The following MTMR8 variants were observed in gnomAD, a reference collection of about 807,000 sequenced individuals.
MTMR8 encodes the protein myotubularin related protein 8, also known as phosphatidylinositol-3,5-bisphosphate 3-phosphatase MTMR8.
Under a neutral mutation model 39.3 loss-of-function variants are expected in MTMR8, and 65 were observed. That is an observed-to-expected ratio of 1.65 (90% CI 1.35 to 2.03). The LOEUF (loss-of-function observed/expected upper bound fraction) is 2.03, where lower values mean the gene tolerates loss of function less well. Ranked by LOEUF, MTMR8 falls within the 30% of genes most tolerant of loss-of-function variation. The pLI is 0.00. For synonymous variants in MTMR8, 245 were observed against 185.2 expected (o/e 1.32, Z -2.62); for missense variants, 777 against 538.9 (o/e 1.44, Z -4.37).
intron 12 of MTMR8, among the ~76,000 whole-genome samples, chrX:64,326,108 A>T (rs986612450): frequency 8.0e-5 from 9 of 111,890 alleles, no homozygotes; most frequent in African/African-American, 2.6e-4. Context: ...AAGAAAATAC[A>T]TCTACTATTA....
At chrX:64,362,441 C>A (rs1602147593) in intron 1 of MTMR8, among the ~76,000 whole-genome samples, 1 of 20,562 alleles carries the variant, frequency 4.9e-5, no homozygotes, top group Non-Finnish European at 9.4e-5. Flanking sequence ...TCAACAACAA[C>A]AACAACAAAA....
chrX:64,328,749 G>T, intron 12 of MTMR8, 23 bp downstream of exon 12: 1 of 1,142,536 alleles, frequency 8.8e-7, no homozygotes, highest in Non-Finnish European at 1.2e-6. Flanking sequence ...TATAAGAAAG[G>T]AGGGAAAAAC....
chrX:64,349,613 C>T (rs1356893417), intron 5 of MTMR8, among the ~76,000 whole-genome samples: 1 of 111,318 alleles, frequency 9.0e-6, no homozygotes, highest in Non-Finnish European at 1.9e-5. Flanking sequence ...TACTGGGAGG[C>T]CACAGCCCCC....
chrX:64,371,062 C>T (rs990900764), intron 1 of MTMR8, among the ~76,000 whole-genome samples: 3 of 111,660 alleles, frequency 2.7e-5, no homozygotes, highest in Non-Finnish European at 5.6e-5. Flanking sequence ...GAGGCTGAAT[C>T]AGAAGGATCA....
intron 1 of MTMR8, among the ~76,000 whole-genome samples, chrX:64,363,055 A>T (rs1923835951): frequency 8.9e-6 from 1 of 111,898 alleles, no homozygotes; most frequent in Admixed American, 9.5e-5. Context: ...ATTTGCAAAA[A>T]CTAGACAGCT....
Position 64,382,794 on chromosome X carries a change from A to T in MTMR8, c.24+12546T>A, listed in dbSNP as rs567829418. Among the ~76,000 whole-genome samples the T allele has an allele frequency of 3.6e-5, 4 of 111,684 alleles. No individual in the cohort carries two copies. In the South Asian group the frequency reaches 1.1e-3, roughly 31 times the overall value. ...ATACAGAATTATTTTTAAAAACAAC[A>T]ACAAATTTAGGCCAATGGCTCTCCC... On this transcript the variant is annotated intron_variant, in intron 1 of 13. Transcript: ENST00000374852.
At chrX:64,269,436 A>T (rs1051098087) in intron 13 of MTMR8, among the ~76,000 whole-genome samples, 3 of 111,610 alleles carry the variant, frequency 2.7e-5, no homozygotes, top group Non-Finnish European at 5.6e-5. Flanking sequence ...CAAATGAAGA[A>T]ACTGAGGCTC....
At chrX:64,284,465 T>C (rs1386476462) in intron 12 of MTMR8, among the ~76,000 whole-genome samples, 3 of 111,066 alleles carry the variant, frequency 2.7e-5, no homozygotes, top group African/African-American at 9.8e-5. Context: ...ATTCTGGAAA[T>C]ACAGAGAACA....
chrX:64,312,221 C>A (rs900927742), intron 12 of MTMR8, among the ~76,000 whole-genome samples: 1 of 111,623 alleles, frequency 9.0e-6, no homozygotes, highest in African/African-American at 3.3e-5. Context: ...TCCTTCACAT[C>A]CCTTGTAAGC....
intron 12 of MTMR8, among the ~76,000 whole-genome samples, chrX:64,298,725 T>C (rs1295457700): frequency 1.3e-5 from 1 of 77,962 alleles, no homozygotes; most frequent in Non-Finnish European, 2.1e-5. Flanking sequence ...TTGTCATAGA[T>C]AGCTCTTATT....
At chrX:64,336,752 G>A (rs758417395) in intron 9 of MTMR8, among the ~76,000 whole-genome samples, 4 of 111,158 alleles carry the variant, frequency 3.6e-5, no homozygotes, top group Admixed American at 2.9e-4. Flanking sequence ...AGCCAATATC[G>A]CACCACTGCA....
chrX:64,345,540 A>G (rs748238291), intron 6 of MTMR8, among the ~76,000 whole-genome samples: 88 of 112,434 alleles, frequency 7.8e-4, no homozygotes, highest in Middle Eastern at 4.6e-3. Flanking sequence ...ACTGAGAAAC[A>G]TGCAAAAGTT....
chrX:64,345,298 C>G (rs1923322101), intron 6 of MTMR8, 121 bp from the exon 7 acceptor site: 1 of 688,649 alleles, frequency 1.5e-6, no homozygotes, highest in South Asian at 3.2e-5. Context: ...GAAGTTAAAT[C>G]AGATGAGATA....
chrX:64,275,513 T>C (rs373498774), intron 12 of MTMR8, among the ~76,000 whole-genome samples: 1 of 108,942 alleles, frequency 9.2e-6, no homozygotes. Context: ...CTGGACTACA[T>C]AGAGAGGCCC....
At chrX:64,383,817 G>A (rs781495454) in intron 1 of MTMR8, among the ~76,000 whole-genome samples, 1 of 111,065 alleles carries the variant, frequency 9.0e-6, no homozygotes, top group Non-Finnish European at 1.9e-5. Flanking sequence ...GGTAGGGACA[G>A]AACCAAACCA....
intron 1 of MTMR8, among the ~76,000 whole-genome samples, chrX:64,374,301 G>A (rs918621954): frequency 6.3e-5 from 7 of 111,544 alleles, no homozygotes; most frequent in Non-Finnish European, 1.3e-4. Context: ...AATATTCAAA[G>A]GTATTCTTTC....
In MTMR8 at chrX:64,278,459, G is replaced by GTTTTTTTTTTTTTTTTTTTTTTTTT. The variant is rs1931928205; in HGVS notation, c.1482-7387_1482-7386insAAAAAAAAAAAAAAAAAAAAAAAAA. Among the ~76,000 whole-genome samples, 3 of 49,868 alleles carry GTTTTTTTTTTTTTTTTTTTTTTTTT rather than the reference G, an allele frequency of 6.0e-5. 1 individual carries two copies. The highest frequency in any genetic ancestry group is 3.4e-4 in the African/African-American group (3 of 8,741). The allele number at this position is 49,868 out of a possible 115,157, so 43.3% of individuals were successfully genotyped here. A position where few individuals can be genotyped will look rare whatever the true frequency, so the allele number is the denominator to read the frequency against. On this transcript the variant is annotated intron_variant, in intron 12 of 13. Transcript: ENST00000374852. ...TGATGTTGATGCTATTTATTTTGCTGGTTTTTTTTTTTTTTTTTTTTTTTT... is the reference window on the plus strand; with the variant it reads ...TGATGTTGATGCTATTTATTTTGCTGTTTTTTTTTTTTTTTTTTTTTTTTTGTTTTTTTTTTTTTTTTTTTTTTTT...
At position 64,278,460 on chromosome X, in the gene MTMR8, G is replaced by GTTT. The variant is rs56132040; in HGVS notation, c.1482-7390_1482-7388dup. ...GATGTTGATGCTATTTATTTTGCTG[G>GTTT]TTTTTTTTTTTTTTTTTTTTTTTTT... On this transcript the variant is annotated intron_variant, in intron 12 of 13. Transcript: ENST00000374852. Among the ~76,000 whole-genome samples the GTTT allele has an allele frequency of 3.5e-3, 86 of 24,691 alleles. 21 individuals carry two copies. The highest frequency in any genetic ancestry group is 5.5e-3 in the Non-Finnish European group (67 of 12,269). 21.4% of individuals were successfully genotyped at this position (24,691 alleles called of 115,157 possible). A position where few individuals can be genotyped will look rare whatever the true frequency, so the allele number is the denominator to read the frequency against.
intron 12 of MTMR8, among the ~76,000 whole-genome samples, chrX:64,326,957 C>CT (rs1922812985): frequency 9.1e-6 from 1 of 109,665 alleles, no homozygotes. Context: ...GTAAATGGTG[C>CT]TGAAAAAAAA....
Sources: gnomAD v4.1 joint callset for allele counts (sites outside exome capture counted in the v4.1 genomes callset) on GRCh38, gnomAD v4.1.1 for gene constraint, MANE v1.5 for transcripts, NCBI Gene and HGNC (gene_info 2026-07-23, HGNC 2026-07-21) for gene names.